SGCZ: variants seen among roughly 807,000 people sequenced by gnomAD.
The protein encoded by SGCZ is sarcoglycan zeta.
A neutral mutation model predicts 41.3 loss-of-function variants in SGCZ; 40 were observed. The ratio of observed to expected loss-of-function variants is 0.97; its 90% CI spans 0.75 to 1.26. SGCZ has a LOEUF of 1.26. Among genes scored for constraint, SGCZ ranks in the 50% most tolerant of loss-of-function variants. The pLI is 0.00. For synonymous variants in SGCZ, 206 were observed against 137.5 expected (o/e 1.50, Z -3.49); for missense variants, 552 against 369.8 (o/e 1.49, Z -4.04).
At chr8:14,231,194 T>TGC (rs1206901616) in intron 4 of SGCZ, among the ~76,000 whole-genome samples, 1 of 149,544 alleles carries the variant, frequency 6.7e-6, no homozygotes, top group Non-Finnish European at 1.5e-5. Context: ...TGTGTGTGTG[T>TGC]GTAGTGGGGA....
chr8:14,793,571 T>C lies in SGCZ; in HGVS notation c.40-238645A>G, dbSNP rs147070574. On this transcript the variant is annotated intron_variant, in intron 1 of 7. Coordinates refer to ENST00000382080, the MANE Select transcript of SGCZ (RefSeq NM_139167.4). Reference sequence around the variant, plus strand: ...ACAAAGCTGCTTCCTTAACTGGCAGTAGGGAAAGCTGAGGAATAACCCAAT... The same window carrying C: ...ACAAAGCTGCTTCCTTAACTGGCAGCAGGGAAAGCTGAGGAATAACCCAAT... Among the ~76,000 whole-genome samples, 1,173 of 152,258 alleles carry C rather than the reference T, an allele frequency of 7.7e-3. 6 individuals carry two copies. Among genetic ancestry groups the C allele is most frequent in the Middle Eastern group, 0.02 (6 of 294 alleles).
At chr8:14,323,791 C>A (rs1358951995) in intron 3 of SGCZ, among the ~76,000 whole-genome samples, 1 of 152,022 alleles carries the variant, frequency 6.6e-6, no homozygotes, top group Non-Finnish European at 1.5e-5. Context: ...TTATTCAAGA[C>A]ATATCAAATG....
intron 1 of SGCZ, among the ~76,000 whole-genome samples, chr8:14,792,114 A>G (rs1159263592): frequency 6.6e-6 from 1 of 152,202 alleles, no homozygotes. Context: ...TTTTTCACCT[A>G]TGGTCTTAAA....
At chr8:14,590,770 T>A (rs1484837155) in intron 1 of SGCZ, among the ~76,000 whole-genome samples, 1 of 148,082 alleles carries the variant, frequency 6.8e-6, no homozygotes, top group African/African-American at 2.4e-5. Flanking sequence ...ATATACTATA[T>A]ATAATATAGT....
At chr8:14,357,699 T>C (rs1197186773) in intron 2 of SGCZ, among the ~76,000 whole-genome samples, 1 of 152,192 alleles carries the variant, frequency 6.6e-6, no homozygotes, top group Non-Finnish European at 1.5e-5. Context: ...ATATGTATTA[T>C]CTTATTCAAT....
intron 2 of SGCZ, among the ~76,000 whole-genome samples, chr8:14,402,320 T>C (rs983733293): frequency 5.9e-5 from 9 of 151,712 alleles, no homozygotes; most frequent in African/African-American, 1.9e-4. Context: ...ATTTTGTCTT[T>C]TGTTGCCATT....
At chr8:14,689,330 A>G (rs1430652015) in intron 1 of SGCZ, among the ~76,000 whole-genome samples, 1 of 152,158 alleles carries the variant, frequency 6.6e-6, no homozygotes, top group Non-Finnish European at 1.5e-5. Flanking sequence ...TTAATGAAAT[A>G]ATTTTATGAT....
At chr8:15,144,703 A>G (rs1414131466) in intron 1 of SGCZ, among the ~76,000 whole-genome samples, 2 of 152,172 alleles carry the variant, frequency 1.3e-5, no homozygotes, top group Non-Finnish European at 2.9e-5. Context: ...TGGTCTGCCC[A>G]TCTTTGGCCT....
At chr8:15,197,666 C>T (rs1200357439) in intron 1 of SGCZ, among the ~76,000 whole-genome samples, 1 of 152,058 alleles carries the variant, frequency 6.6e-6, no homozygotes, top group Non-Finnish European at 1.5e-5. Context: ...TGACTTAAGA[C>T]CCAGCGGCGT....
At chr8:14,631,605 T>A (rs900462507) in intron 1 of SGCZ, among the ~76,000 whole-genome samples, 3 of 152,124 alleles carry the variant, frequency 2.0e-5, no homozygotes, top group African/African-American at 7.2e-5. Flanking sequence ...ACTTCTGATA[T>A]CTAATAAGTA....
At chr8:15,134,472 C>T (rs1808037940) in intron 1 of SGCZ, among the ~76,000 whole-genome samples, 1 of 152,110 alleles carries the variant, frequency 6.6e-6, no homozygotes, top group Non-Finnish European at 1.5e-5. Flanking sequence ...CCTAACTGAA[C>T]AATGAGCGGT....
intron 3 of SGCZ, among the ~76,000 whole-genome samples, chr8:14,318,988 A>C (rs1801821303): frequency 6.6e-6 from 1 of 151,928 alleles, no homozygotes; most frequent in Non-Finnish European, 1.5e-5. Context: ...TTATTTGAAA[A>C]AAAATAAATG....
chr8:14,253,243 G>GGGGTGT (rs1554488197), intron 3 of SGCZ, among the ~76,000 whole-genome samples: 3 of 148,952 alleles, frequency 2.0e-5, no homozygotes, highest in East Asian at 2.0e-4. Context: ...TTGTGTGTAG[G>GGGGTGT]GTGTGTGTGT....
intron 1 of SGCZ, among the ~76,000 whole-genome samples, chr8:14,731,905 T>G (rs147922052): frequency 2.0e-5 from 3 of 152,272 alleles, no homozygotes; most frequent in Non-Finnish European, 2.9e-5. Context: ...CTCTGACCTA[T>G]TATCATGTTA....
At chr8:14,790,123 T>A (rs114740235) in intron 1 of SGCZ, among the ~76,000 whole-genome samples, 3 of 152,158 alleles carry the variant, frequency 2.0e-5, no homozygotes, top group African/African-American at 7.2e-5. Context: ...ATTGAATGCA[T>A]GTATGTGTTC....
chr8:14,684,083 T>A (rs1223688482), intron 1 of SGCZ, among the ~76,000 whole-genome samples: 1 of 152,190 alleles, frequency 6.6e-6, no homozygotes, highest in African/African-American at 2.4e-5. Context: ...ATGCCATTTT[T>A]AAATATATAA....
chr8:14,898,273 T>C (rs1805277482), intron 1 of SGCZ, among the ~76,000 whole-genome samples: 1 of 151,978 alleles, frequency 6.6e-6, no homozygotes, highest in Admixed American at 6.6e-5. Flanking sequence ...AAGATGTGTT[T>C]AAAGGAGGAG....
chr8:14,980,406 T>C (rs1801622419), intron 1 of SGCZ, among the ~76,000 whole-genome samples: 1 of 152,234 alleles, frequency 6.6e-6, no homozygotes, highest in South Asian at 2.1e-4. Context: ...TAATTTTTTA[T>C]TACATTTTTA....
intron 2 of SGCZ, among the ~76,000 whole-genome samples, chr8:14,331,794 T>C (rs1402015000): frequency 6.6e-6 from 1 of 151,800 alleles, no homozygotes; most frequent in Non-Finnish European, 1.5e-5. Context: ...AATATTGTAT[T>C]TTGTTTCTCT....
Sources: allele counts gnomAD v4.1 joint callset (sites outside exome capture counted in the v4.1 genomes callset), GRCh38; gene constraint gnomAD v4.1.1; transcripts MANE v1.5; gene names NCBI Gene and HGNC (gene_info 2026-07-23, HGNC 2026-07-21).